FAM186A: variants seen among roughly 807,000 people sequenced by gnomAD.
The protein encoded by FAM186A is family with sequence similarity 186 member A, also known as protein FAM186A.
FAM186A carries 163 observed loss-of-function variants against 216.8 expected under a neutral mutation model. The observed-to-expected ratio is 0.75, with a 90% confidence interval of 0.66 to 0.86. The LOEUF (loss-of-function observed/expected upper bound fraction) is 0.86, where lower values mean the gene tolerates loss of function less well. FAM186A is among the 40% of genes least tolerant of loss of function. FAM186A has a pLI of 0.00. For synonymous variants in FAM186A, 805 were observed against 1,025.3 expected, an observed-to-expected ratio of 0.79 and a Z score of 4.10; for missense variants, 2,184 against 2,746.2, an observed-to-expected ratio of 0.80 and a Z score of 4.58.
intron 1 of FAM186A, among the ~76,000 whole-genome samples, chr12:50,383,278 A>AAGAGAGAGAG (rs750922300): frequency 2.0e-5 from 1 of 49,244 alleles, no homozygotes; most frequent in Non-Finnish European, 4.4e-5. Context: ...AAAAAAAAAA[A>AAGAGAGAGAG]AGAGAGAGAG....
At chr12:50,358,406 C>A (rs1942998822) in intron 3 of FAM186A, among the ~76,000 whole-genome samples, 2 of 151,274 alleles carry the variant, frequency 1.3e-5, no homozygotes, top group South Asian at 4.2e-4. Context: ...CACGATGAGA[C>A]TCTGTCTCTA....
Position 50,348,888 on chromosome 12 carries a change from A to T in FAM186A, c.6503+1441T>A, listed in dbSNP as rs988341668. Among the ~76,000 whole-genome samples the T allele has an allele frequency of 3.9e-5, 6 of 152,148 alleles. No homozygotes were observed. The South Asian group carries it at 6.2e-4, about 16-fold the overall frequency. ...TGTTTGTTTTTCTTTTCATTAAAAAATTTTTTTGTGGGTACATAGTAGGTA... is the reference window on the plus strand; with the variant it reads ...TGTTTGTTTTTCTTTTCATTAAAAATTTTTTTTGTGGGTACATAGTAGGTA... On this transcript the variant is annotated intron_variant, in intron 4 of 7. Transcript: ENST00000327337.
chr12:50,375,093 G>A (rs1943184372), intron 1 of FAM186A, among the ~76,000 whole-genome samples: 1 of 152,080 alleles, frequency 6.6e-6, no homozygotes, highest in Admixed American at 6.6e-5. Context: ...CATGAGAATC[G>A]CTTGAACCCA....
At chr12:50,373,677 A>C (rs1430177141) in intron 1 of FAM186A, among the ~76,000 whole-genome samples, 1 of 152,180 alleles carries the variant, frequency 6.6e-6, no homozygotes, top group African/African-American at 2.4e-5. Context: ...ATGTGGAGAA[A>C]TAGGAACACT....
chr12:50,327,996 A>G (rs980612841), intron 7 of FAM186A, among the ~76,000 whole-genome samples: 2 of 152,176 alleles, frequency 1.3e-5, no homozygotes, highest in African/African-American at 2.4e-5. Context: ...ATAATTAATG[A>G]TTGTTATTTC....
At chr12:50,373,577 C>T (rs1943170061) in intron 1 of FAM186A, among the ~76,000 whole-genome samples, 1 of 152,090 alleles carries the variant, frequency 6.6e-6, no homozygotes, top group African/African-American at 2.4e-5. Flanking sequence ...AAAATAGTCA[C>T]AAAAAATGCT....
intron 1 of FAM186A, among the ~76,000 whole-genome samples, chr12:50,383,249 TAAAAAAAAAAAA>T (rs1167515309): frequency 0.084 from 872 of 10,372 alleles, 36 homozygotes; most frequent in African/African-American, 0.12. Flanking sequence ...AGACTCCGTC[TAAAAAAAAAAAA>T]AAAAAAAAAA....
chr12:50,343,934 G>C (rs1013543376), intron 4 of FAM186A, among the ~76,000 whole-genome samples: 1 of 56,408 alleles, frequency 1.8e-5, no homozygotes, highest in Non-Finnish European at 3.7e-5. Flanking sequence ...TTTTTTTTTT[G>C]TAGAGATGGG....
intron 1 of FAM186A, among the ~76,000 whole-genome samples, chr12:50,390,011 A>AG (rs1168493129): frequency 6.6e-6 from 1 of 152,154 alleles, no homozygotes; most frequent in Non-Finnish European, 1.5e-5. Flanking sequence ...TCCACAGGTA[A>AG]GGGAGTCAGT....
Position 50,355,526 on chromosome 12 carries a change from T to C in FAM186A, c.1306A>G (p.Lys436Glu), listed in dbSNP as rs543613534. Reference protein sequence around the residue: ...ASEDISEDSTKDNVSLKKGDF... With the variant: ...ASEDISEDSTEDNVSLKKGDF... The stretch of plus-strand genomic sequence containing the variant: ...CCTTTCTTCAATGATACGTTATCTT[T>C]AGTGCTGTCTTCGGAAATATCTTCA... The change falls in exon 4 of 8, where the codon AAA becomes GAA. Residue 436 changes from lysine (K) to glutamate (E), a missense_variant. Around this residue, in one of 7 missense-constraint regions of FAM186A, gnomAD observed 1,132 missense variants for 1,263.4 expected, o/e 0.90. Coordinates refer to ENST00000327337, the MANE Select transcript of FAM186A (RefSeq NM_001145475.3). 5.8e-6 allele frequency: 9 copies of C among 1,551,582 alleles called. No individual in the cohort carries two copies. In the African/African-American group the frequency reaches 9.6e-5, roughly 16 times the overall value.
chr12:50,362,480 C>G (rs1943045296), intron 2 of FAM186A, among the ~76,000 whole-genome samples: 1 of 151,970 alleles, frequency 6.6e-6, no homozygotes, highest in Non-Finnish European at 1.5e-5. Flanking sequence ...CGCAGTGGCT[C>G]ATGCCTGTAA....
At chr12:50,371,694 G>A (rs1161735029) in intron 1 of FAM186A, among the ~76,000 whole-genome samples, 2 of 152,104 alleles carry the variant, frequency 1.3e-5, no homozygotes, top group Non-Finnish European at 1.5e-5. Context: ...GTTTTGAAAG[G>A]TGAAATAGTT....
rs1942961182 is a variant in FAM186A, at chr12:50,355,231, C to T, written c.1601G>A (p.Gly534Asp). ...CATCATACTTGTTCCACTTTTGCCA[C>T]CTTGGCTCTTTGTTTCAGTTAAAGA... Reference protein sequence around the residue: ...HLSLTETKSQGGKSGTSMMML... With the variant: ...HLSLTETKSQDGKSGTSMMML... Residue 534 changes from glycine to aspartate, a missense_variant, in exon 4 of 8, where the codon GGT (glycine) becomes GAT (aspartate). Gly to Asp is a moderately conservative substitution (Grantham distance 94). This residue lies in a region of FAM186A where 1,132 missense variants were observed against 1,263.4 expected (regional missense o/e 0.90). Transcript: ENST00000327337. 6.4e-7 allele frequency: 1 copy of T among 1,551,572 alleles called. No homozygotes were observed. Among genetic ancestry groups the T allele is most frequent in the African/African-American group, 1.4e-5 (1 of 73,064 alleles).
chr12:50,362,279 T>A (rs1309807014), intron 2 of FAM186A, among the ~76,000 whole-genome samples: 1 of 152,038 alleles, frequency 6.6e-6, no homozygotes, highest in Non-Finnish European at 1.5e-5. Context: ...GGCCAGTTTA[T>A]TCATTCTTTC....
Position 50,334,472 on chromosome 12 carries a change from T to C in FAM186A, c.6504-369A>G, listed in dbSNP as rs542792390. Among the ~76,000 whole-genome samples, 6 of 151,248 alleles carry C rather than the reference T, an allele frequency of 4.0e-5. No homozygotes were observed. The South Asian group carries it at 1.3e-3, about 32-fold the overall frequency. On this transcript the variant is annotated intron_variant, in intron 4 of 7. Transcript: ENST00000327337. ...GTCCTGAGCCACTGAGCATGGCCTC[T>C]TTTTAATTTAATTTTATTTTTTTGA... is the stretch of plus-strand genomic sequence containing the variant.
chr12:50,350,326 T>G lies in FAM186A; in HGVS notation c.6503+3A>C, dbSNP rs535810124. The G allele has an allele frequency of 6.6e-6, 10 of 1,513,610 alleles. No individual in the cohort carries two copies. In the African/African-American group the frequency reaches 1.3e-4, roughly 19 times the overall value. The allele number at this position is 1,513,610 out of a possible 1,614,324, so 93.8% of individuals were successfully genotyped here. ...AAAACTAGACGTAAATAATTATATCTACCTGGCATGCTGGATCAGCCTATA... is the reference window on the plus strand; with the variant it reads ...AAAACTAGACGTAAATAATTATATCGACCTGGCATGCTGGATCAGCCTATA... On this transcript the variant is annotated splice_donor_region_variant and intron_variant, in intron 4 of 7. Coordinates refer to ENST00000327337, the MANE Select transcript of FAM186A (RefSeq NM_001145475.3).
At position 50,351,318 on chromosome 12, in the gene FAM186A, A is replaced by G; in HGVS notation, c.5514T>C (p.Phe1838=). 6.6e-7 allele frequency: 1 copy of G among 1,521,668 alleles called. No individual in the cohort carries two copies. The highest frequency in any genetic ancestry group is 8.8e-7 in the Non-Finnish European group (1 of 1,134,734). 94.3% of individuals were successfully genotyped at this position (1,521,668 alleles called of 1,614,324 possible). ...CAGAAGTGGGTGGAACTCCAGCTATAAAGGGCTGCCCTGGAGTGGGAGGGG... is the reference window on the plus strand; with the variant it reads ...CAGAAGTGGGTGGAACTCCAGCTATGAAGGGCTGCCCTGGAGTGGGAGGGG... ...SRAPPTPGQP[F]IAGVPPTSGQ... Residue 1838 remains phenylalanine, a synonymous_variant, in exon 4 of 8, where the codon TTT becomes TTC. Coordinates refer to ENST00000327337, the MANE Select transcript of FAM186A (RefSeq NM_001145475.3).
At chr12:50,357,531 A>G (rs910502450) in intron 3 of FAM186A, among the ~76,000 whole-genome samples, 57 of 149,250 alleles carry the variant, frequency 3.8e-4, no homozygotes, top group Non-Finnish European at 7.0e-4. Context: ...CACACATTTG[A>G]AAAGATTTGC....
rs145260331 is a variant in FAM186A at position 50,363,234 on chromosome 12, T to G, written c.323A>C (p.Asn108Thr). The change falls in exon 2 of 8, where the codon AAT becomes ACT. Residue 108 changes from asparagine (N) to threonine (T), a missense_variant. Coordinates refer to ENST00000327337, the MANE Select transcript of FAM186A (RefSeq NM_001145475.3). ...GTAAGTAGCCATTTTCTCAAGAAAA[T>G]TGGTTCTCTGTTTTTTCTTATGTTC... ...LTEHKKKQRT[N>T]FLEKMATYAK... The G allele has an allele frequency of 7.1e-6, 11 of 1,551,570 alleles. No homozygotes were observed. The East Asian group carries it at 1.7e-4, about 24-fold the overall frequency.
Sources: allele counts gnomAD v4.1 joint callset (sites outside exome capture counted in the v4.1 genomes callset), GRCh38; gene constraint gnomAD v4.1.1; regional missense constraint gnomAD v4.1.1; transcripts MANE v1.5; gene names NCBI Gene and HGNC (gene_info 2026-07-23, HGNC 2026-07-21).